RHCE: variants seen among roughly 807,000 people sequenced by gnomAD.
RHCE encodes the protein Rh blood group CcEe antigens.
RHCE carries 22 observed loss-of-function variants against 43.8 expected under a neutral mutation model. That is an observed-to-expected ratio of 0.50 (90% CI 0.36 to 0.72). The LOEUF (loss-of-function observed/expected upper bound fraction) is 0.72, where lower values mean the gene tolerates loss of function less well. Among genes scored for constraint, RHCE ranks in the 30% least tolerant of loss-of-function variants. The probability of loss-of-function intolerance (pLI) is 0.00; values close to 1 mark genes in which losing one functional copy is unlikely to be tolerated. For synonymous variants in RHCE, 156 were observed against 210.7 expected (o/e 0.74, Z 2.25); for missense variants, 385 against 525.4 (o/e 0.73, Z 2.61).
chr1:25,411,833 G>C (rs1017123287), intron 1 of RHCE, among the ~76,000 whole-genome samples: 1 of 152,218 alleles, frequency 6.6e-6, no homozygotes, highest in African/African-American at 2.4e-5. Context: ...GTTGGAGACT[G>C]CATGCCCCAC....
intron 7 of RHCE, among the ~76,000 whole-genome samples, chr1:25,379,491 ATATATTTTTTTTTTTTT>A (rs1362794800): frequency 9.3e-4 from 17 of 18,282 alleles, no homozygotes; most frequent in Admixed American, 3.3e-3. Flanking sequence ...ATATATATAT[ATATATTTTTTTTTTTTT>A]TTTTTTTTTT....
intron 2 of RHCE, among the ~76,000 whole-genome samples, chr1:25,426,808 G>A (rs1295343620): frequency 6.6e-6 from 1 of 152,210 alleles, no homozygotes; most frequent in Non-Finnish European, 1.5e-5. Context: ...TGTAACCCCA[G>A]CACTTTGGGA....
upstream of RHCE, among the ~76,000 whole-genome samples, chr1:25,425,174 G>C (rs189725091): frequency 1.2e-3 from 189 of 152,316 alleles, 1 homozygote; most frequent in Admixed American, 3.1e-3. Flanking sequence ...TAAAGACAGG[G>C]ACTTTTGACT....
intron 1 of RHCE, among the ~76,000 whole-genome samples, chr1:25,417,127 T>C (rs1197446231): frequency 7.9e-6 from 1 of 127,324 alleles, no homozygotes; most frequent in Non-Finnish European, 1.6e-5. Flanking sequence ...CTCTAACAGA[T>C]AGAGCCTTAA....
chr1:25,370,773 G>C (rs895267565), intron 8 of RHCE, among the ~76,000 whole-genome samples: 1 of 147,296 alleles, frequency 6.8e-6, no homozygotes. Context: ...TTTTGAGACA[G>C]AGTCTCACTC....
In RHCE at chr1:25,362,373, T is replaced by G; in HGVS notation, c.*154A>C. 6.4e-7 allele frequency: 1 copy of G among 1,554,610 alleles called. No individual in the cohort carries two copies. The highest frequency in any genetic ancestry group is 8.7e-7 in the Non-Finnish European group (1 of 1,144,840). ...GACTCTTAAACTAAGTTTTTAGTCT[T>G]TAATTTTTTAATATCAAATCTGTCT... On this transcript the variant is annotated 3_prime_UTR_variant, in exon 10 of 10. Transcript: ENST00000294413.
upstream of RHCE, among the ~76,000 whole-genome samples, chr1:25,421,866 T>C (rs4649082): frequency 0.6 from 90,550 of 151,952 alleles, 28,367 homozygotes; most frequent in African/African-American, 0.81. Flanking sequence ...GAGTGTAAAC[T>C]GAATGTGTGG....
Position 25,362,430 on chromosome 1 carries a change from T to C in RHCE, c.*97A>G. On this transcript the variant is annotated 3_prime_UTR_variant, in exon 10 of 10. Coordinates refer to ENST00000294413, the MANE Select transcript of RHCE (RefSeq NM_020485.8). ...TTGTTTCATTATACATAAGGAGACT[T>C]TGCTGTCATGAGCGTTTCTCACGTA... The C allele has an allele frequency of 6.2e-7, 1 of 1,613,742 alleles. No individual in the cohort carries two copies. The highest frequency in any genetic ancestry group is 1.1e-5 in the South Asian group (1 of 91,072).
rs1363883461 is a variant in RHCE at position 25,408,672 on chromosome 1, C to A, written c.335+11G>T. ...TATGACCCAGAAGTGATCCAGCCAC[C>A]ATCCCAATACCTGAACAGTGTGATG... On this transcript the variant is annotated intron_variant, in intron 2 of 9. Transcript: ENST00000294413. 4 of 1,279,904 alleles carry A rather than the reference C, an allele frequency of 3.1e-6. 1 individual carries two copies. Among genetic ancestry groups the A allele is most frequent in the African/African-American group, 2.8e-5 (2 of 72,582 alleles). 79.3% of individuals were successfully genotyped at this position (1,279,904 alleles called of 1,614,324 possible). A position where few individuals can be genotyped will look rare whatever the true frequency, so the allele number is the denominator to read the frequency against.
rs186710150 is a variant in RHCE at position 25,417,439 on chromosome 1, G to A, written c.148+3200C>T. The stretch of plus-strand genomic sequence containing the variant: ...GAAGCAGAGAAATAATGGCAGTCAA[G>A]TGAACAAAAAGGAAAGGCAGAGTGA... On this transcript the variant is annotated intron_variant, in intron 1 of 9. Coordinates refer to ENST00000294413, the MANE Select transcript of RHCE (RefSeq NM_020485.8). Among the ~76,000 whole-genome samples, 775 of 152,278 alleles carry A rather than the reference G, an allele frequency of 5.1e-3. 5 individuals are homozygous for A. The highest frequency in any genetic ancestry group is 8.1e-3 in the Non-Finnish European group (553 of 68,014).
chr1:25,369,185 C>T (rs1645527240), intron 9 of RHCE, among the ~76,000 whole-genome samples: 1 of 151,726 alleles, frequency 6.6e-6, no homozygotes, highest in South Asian at 2.1e-4. Context: ...GTCCTCTCTG[C>T]TTGACCCCTC....
At chr1:25,405,285 T>A (rs1466783363) in intron 2 of RHCE, among the ~76,000 whole-genome samples, 2 of 151,974 alleles carry the variant, frequency 1.3e-5, no homozygotes, top group Non-Finnish European at 2.9e-5. Flanking sequence ...CTGAACCCAG[T>A]GAGGCTGAGG....
At chr1:25,392,885 T>C (rs1171728552) in intron 3 of RHCE, among the ~76,000 whole-genome samples, 1 of 152,138 alleles carries the variant, frequency 6.6e-6, no homozygotes, top group Non-Finnish European at 1.5e-5. Context: ...TTATATGCTT[T>C]TGACCAAGGT....
At chr1:25,414,107 G>A (rs1032080307) in intron 1 of RHCE, among the ~76,000 whole-genome samples, 1 of 152,002 alleles carries the variant, frequency 6.6e-6, no homozygotes, top group Non-Finnish European at 1.5e-5. Flanking sequence ...GTTAGTAACT[G>A]TTACCCCGTG....
intron 3 of RHCE, among the ~76,000 whole-genome samples, chr1:25,393,552 C>G (rs1187849378): frequency 6.6e-6 from 1 of 152,190 alleles, no homozygotes; most frequent in Non-Finnish European, 1.5e-5. Context: ...ACCTGGGAGG[C>G]AGAGGCTGTA....
chr1:25,383,437 T>G (rs1328859984), intron 7 of RHCE, among the ~76,000 whole-genome samples: 10 of 152,218 alleles, frequency 6.6e-5, no homozygotes, highest in South Asian at 2.1e-4. Flanking sequence ...GTCCCCATAC[T>G]GATGCAGCAT....
chr1:25,401,116 C>T (rs568483939), intron 3 of RHCE, among the ~76,000 whole-genome samples: 73 of 152,166 alleles, frequency 4.8e-4, no homozygotes, highest in Non-Finnish European at 8.8e-4. Context: ...CCTAGTTCTC[C>T]CTGTATTTCT....
At chr1:25,381,108 C>A (rs72660923) in intron 7 of RHCE, among the ~76,000 whole-genome samples, 3 of 152,196 alleles carry the variant, frequency 2.0e-5, no homozygotes, top group Non-Finnish European at 4.4e-5. Context: ...GTAGCTTGGT[C>A]ACACTCTCAG....
intron 1 of RHCE, among the ~76,000 whole-genome samples, chr1:25,410,057 C>T (rs934829407): frequency 1.3e-5 from 2 of 151,868 alleles, no homozygotes; most frequent in African/African-American, 2.4e-5. Flanking sequence ...CCACCGTGCC[C>T]GGCTAATTTT....
Sources: gnomAD v4.1 joint callset for allele counts (sites outside exome capture counted in the v4.1 genomes callset) on GRCh38, gnomAD v4.1.1 for gene constraint, MANE v1.5 for transcripts, NCBI Gene and HGNC (gene_info 2026-07-23, HGNC 2026-07-21) for gene names.